The following TENM3 variants were observed in gnomAD, a reference collection of about 807,000 sequenced individuals.
TENM3 encodes teneurin transmembrane protein 3.
TENM3 carries 63 observed loss-of-function variants against 255.1 expected under a neutral mutation model. The observed-to-expected ratio is 0.25, with a 90% CI of 0.20 to 0.30. The LOEUF (loss-of-function observed/expected upper bound fraction) is 0.30, where lower values mean the gene tolerates loss of function less well. TENM3 is among the 10% of genes least tolerant of loss of function. TENM3 has a pLI of 1.00. For missense variants in TENM3, 2,929 were observed against 3,461.1 expected, an observed-to-expected ratio of 0.85 and a Z score of 3.86; for synonymous variants, 1,306 against 1,322.3, an observed-to-expected ratio of 0.99 and a Z score of 0.27.
At chr4:181,533,401 ACCCT>A in the TENM3 span, among the ~76,000 whole-genome samples, 1 of 152,074 alleles carries the variant, frequency 6.6e-6, no homozygotes, top group Non-Finnish European at 1.5e-5. Flanking sequence ...ATGATCAGTC[ACCCT>A]CTGGGGAAGA....
At chr4:182,350,954 A>G (rs535615838) in intron 3 of TENM3, among the ~76,000 whole-genome samples, 2 of 152,262 alleles carry the variant, frequency 1.3e-5, no homozygotes, top group African/African-American at 4.8e-5. Context: ...AAGTGCTGGG[A>G]TTACAGGCAT....
At chr4:182,386,572 A>AGCAGGAACTGGGGCTGCGCGCAGCGCTT (rs1307738583) in intron 3 of TENM3, among the ~76,000 whole-genome samples, 8 of 152,156 alleles carry the variant, frequency 5.3e-5, no homozygotes, top group Non-Finnish European at 1.2e-4. Context: ...GAGAGGCGCG[A>AGCAGGAACTGGGGCTGCGCGCAGCGCTT]GCAGGAACTG....
chr4:182,075,204 T>TTTTTC, the TENM3 span, among the ~76,000 whole-genome samples: 4 of 142,032 alleles, frequency 2.8e-5, no homozygotes, highest in Non-Finnish European at 6.1e-5. Flanking sequence ...TTTTTTCTTT[T>TTTTTC]TTTTTTTTTT....
At position 182,800,215 on chromosome 4, in the gene TENM3, A is replaced by G; in HGVS notation, c.7964A>G (p.Lys2655Arg). The change falls in exon 28 of 28, where the codon AAG (lysine) becomes AGG (arginine). Residue 2655 changes from lysine to arginine, a missense_variant. Transcript: ENST00000511685. ...GCGCGCCTCTGGACGGAGGGCGAGAAGCGGCAGCTGCTGAGCGCCGGCAAG... is the reference window on the plus strand; with the variant it reads ...GCGCGCCTCTGGACGGAGGGCGAGAGGCGGCAGCTGCTGAGCGCCGGCAAG... ...EGARLWTEGE[K>R]RQLLSAGKVQ... 1.3e-6 allele frequency: 2 copies of G among 1,591,036 alleles called. No homozygotes were observed. Among genetic ancestry groups the G allele is most frequent in the Non-Finnish European group, 1.7e-6 (2 of 1,177,004 alleles).
the TENM3 span, among the ~76,000 whole-genome samples, chr4:181,630,863 G>A: frequency 6.6e-6 from 1 of 152,104 alleles, no homozygotes; most frequent in Non-Finnish European, 1.5e-5. Flanking sequence ...TCCGCTTGGT[G>A]TGCACACATT....
chr4:181,594,960 T>G, the TENM3 span, among the ~76,000 whole-genome samples: 1 of 152,126 alleles, frequency 6.6e-6, no homozygotes, highest in African/African-American at 2.4e-5. Context: ...TGGTAGAATT[T>G]CACAGAAAGG....
At chr4:182,054,676 A>AT in the TENM3 span, among the ~76,000 whole-genome samples, 9 of 152,186 alleles carry the variant, frequency 5.9e-5, no homozygotes, top group Non-Finnish European at 8.8e-5. Context: ...AACATGAAGG[A>AT]TAAGTGCTTG....
chr4:182,161,598 T>TACACACAC (rs1751192462), intron 1 of TENM3, among the ~76,000 whole-genome samples: 1 of 102,964 alleles, frequency 9.7e-6, no homozygotes. Flanking sequence ...AATATATATA[T>TACACACAC]ACATATATAT....
At chr4:182,418,698 G>A (rs1267543480) in intron 3 of TENM3, among the ~76,000 whole-genome samples, 2 of 152,056 alleles carry the variant, frequency 1.3e-5, no homozygotes, top group African/African-American at 2.4e-5. Context: ...CGCAGCTGGG[G>A]CTATAGGCAC....
intron 16 of TENM3, among the ~76,000 whole-genome samples, chr4:182,733,730 T>C (rs1184696304): frequency 6.6e-6 from 1 of 152,200 alleles, no homozygotes; most frequent in Non-Finnish European, 1.5e-5. Context: ...CAGGGATTCA[T>C]TGTAAAATGG....
intron 3 of TENM3, among the ~76,000 whole-genome samples, chr4:182,442,178 C>G (rs1384930018): frequency 1.3e-5 from 2 of 152,128 alleles, no homozygotes; most frequent in Admixed American, 6.5e-5. Flanking sequence ...TGTGCATACT[C>G]ATAAATCGTG....
intron 13 of TENM3, among the ~76,000 whole-genome samples, chr4:182,720,981 T>C (rs998277184): frequency 2.0e-5 from 3 of 151,974 alleles, no homozygotes; most frequent in Non-Finnish European, 4.4e-5. Context: ...TTGGCCAAGC[T>C]AGCCTCGAAC....
chr4:182,451,769 A>G (rs1368988820), intron 3 of TENM3, among the ~76,000 whole-genome samples: 3 of 152,192 alleles, frequency 2.0e-5, no homozygotes, highest in Non-Finnish European at 4.4e-5. Flanking sequence ...GACTCATTCA[A>G]TTAGTGGGGA....
intron 3 of TENM3, among the ~76,000 whole-genome samples, chr4:182,563,301 A>G (rs897277282): frequency 2.6e-5 from 4 of 152,090 alleles, no homozygotes; most frequent in African/African-American, 9.7e-5. Flanking sequence ...ATGATGGTGT[A>G]TGCCTGTAAT....
At chr4:181,669,285 A>G in the TENM3 span, among the ~76,000 whole-genome samples, 3 of 152,158 alleles carry the variant, frequency 2.0e-5, no homozygotes, top group Non-Finnish European at 4.4e-5. Flanking sequence ...GGGAGATAGT[A>G]TAATTATCAT....
the TENM3 span, among the ~76,000 whole-genome samples, chr4:181,818,654 G>A: frequency 6.7e-6 from 1 of 150,244 alleles, no homozygotes; most frequent in African/African-American, 2.5e-5. Context: ...TTGTCACCCA[G>A]GCTGGAGTGC....
the TENM3 span, among the ~76,000 whole-genome samples, chr4:181,691,120 T>G: frequency 2.0e-5 from 3 of 152,276 alleles, no homozygotes; most frequent in South Asian, 6.2e-4. Context: ...GCAGAAAAAT[T>G]ATTTTAGTTT....
chr4:182,325,281 G>A (rs1340212305), intron 2 of TENM3, among the ~76,000 whole-genome samples: 1 of 152,106 alleles, frequency 6.6e-6, no homozygotes, highest in Non-Finnish European at 1.5e-5. Flanking sequence ...GCAATAAATC[G>A]TTCAAAAGTT....
intron 1 of TENM3, among the ~76,000 whole-genome samples, chr4:182,211,045 G>C (rs558051018): frequency 6.6e-6 from 1 of 152,240 alleles, no homozygotes; most frequent in Non-Finnish European, 1.5e-5. Context: ...CCTTGTCGCT[G>C]TCCCTCATCA....
Sources: allele counts gnomAD v4.1 joint callset (sites outside exome capture counted in the v4.1 genomes callset), GRCh38; gene constraint gnomAD v4.1.1; transcripts MANE v1.5; gene names NCBI Gene and HGNC (gene_info 2026-07-23, HGNC 2026-07-21).